The following EPS15 variants were observed in gnomAD, a reference collection of about 807,000 sequenced individuals.
EPS15 encodes the protein epidermal growth factor receptor pathway substrate 15.
Under a neutral mutation model 113.8 loss-of-function variants are expected in EPS15, and 72 were observed. The ratio of observed to expected loss-of-function variants is 0.63; its 90% CI spans 0.52 to 0.77. The LOEUF is 0.77. EPS15 is among the 30% of genes least tolerant of loss of function. The pLI, the probability that EPS15 is intolerant of heterozygous loss-of-function variation, is 0.00. For missense variants in EPS15, 1,048 were observed against 1,045.8 expected (o/e 1.00, Z -0.03); for synonymous variants, 344 against 363.4 (o/e 0.95, Z 0.61).
In EPS15 at chr1:51,406,001, G is replaced by C; in HGVS notation, c.1581C>G (p.Cys527Trp). 1 of 1,614,120 alleles carries C rather than the reference G, an allele frequency of 6.2e-7. No homozygotes were observed. Among genetic ancestry groups the C allele is most frequent in the East Asian group, 2.2e-5 (1 of 44,880 alleles). ...SILVNGATDY[C>W]SLSTSSSETA... ...TTTCACTGCTGCTGGTGCTGAGGCT[G>C]CAATAATCTGTAGCTCCGTTTACAA... The change falls in exon 16 of 25, where the codon TGC becomes TGG. Residue 527 changes from cysteine to tryptophan, a missense_variant. Transcript: ENST00000371733.
chr1:51,377,725 AAGG>A (rs949789391), intron 21 of EPS15, among the ~76,000 whole-genome samples: 1 of 152,166 alleles, frequency 6.6e-6, no homozygotes, highest in African/African-American at 2.4e-5. Flanking sequence ...TCGTACAGGA[AAGG>A]AAGAGTCAAT....
intron 8 of EPS15, among the ~76,000 whole-genome samples, chr1:51,451,682 A>T (rs1653581875): frequency 6.6e-6 from 1 of 151,844 alleles, no homozygotes; most frequent in African/African-American, 2.4e-5. Context: ...TTTTTAATAC[A>T]TAAAGCACTT....
chr1:51,447,116 G>GA lies in EPS15; in HGVS notation c.652-12dup, dbSNP rs770240165. On this transcript the variant is annotated splice_polypyrimidine_tract_variant and intron_variant, in intron 9 of 24. Coordinates refer to ENST00000371733, the MANE Select transcript of EPS15 (RefSeq NM_001981.3). ...AGGGGATACAACCCACTACAGGGAG[G>GA]AAAAAAAACAGTATTTCTGCCAAAA... The GA allele has an allele frequency of 3.2e-4, 504 of 1,575,424 alleles. 2 individuals are homozygous for GA. The highest frequency in any genetic ancestry group is 2.0e-3 in the South Asian group (167 of 84,948).
chr1:51,460,206 C>G (rs1356873199), intron 8 of EPS15, among the ~76,000 whole-genome samples: 1 of 151,834 alleles, frequency 6.6e-6, no homozygotes, highest in South Asian at 2.1e-4. Context: ...TAATTCCTTA[C>G]CAAAATAAAA....
chr1:51,426,060 C>T (rs1289802525), intron 12 of EPS15, among the ~76,000 whole-genome samples: 1 of 151,908 alleles, frequency 6.6e-6, no homozygotes, highest in Non-Finnish European at 1.5e-5. Flanking sequence ...GTTTTGAAAC[C>T]ATCAGATTTG....
At chr1:51,363,762 G>A (rs1174636689) in intron 23 of EPS15, 104 bp downstream of exon 23, 1 of 1,032,580 alleles carries the variant, frequency 9.7e-7, no homozygotes. Context: ...ACATATGTTT[G>A]ACTTGTTTCA....
intron 21 of EPS15, among the ~76,000 whole-genome samples, chr1:51,378,086 G>A (rs747534177): frequency 3.3e-5 from 5 of 151,868 alleles, no homozygotes; most frequent in African/African-American, 4.8e-5. Flanking sequence ...TAGTAGAGAC[G>A]TGGTTTCACC....
chr1:51,449,352 A>C (rs1653339150), intron 8 of EPS15, among the ~76,000 whole-genome samples: 1 of 152,168 alleles, frequency 6.6e-6, no homozygotes. Flanking sequence ...AAAAACAAAT[A>C]CCATATGTTC....
chr1:51,477,680 C>G (rs983358323), intron 2 of EPS15, among the ~76,000 whole-genome samples: 5 of 152,150 alleles, frequency 3.3e-5, no homozygotes, highest in African/African-American at 1.2e-4. Flanking sequence ...TTTCAAAGAA[C>G]ATCTTTATTT....
chr1:51,413,371 T>C (rs1465341038), intron 13 of EPS15, among the ~76,000 whole-genome samples: 1 of 152,250 alleles, frequency 6.6e-6, no homozygotes, highest in Non-Finnish European at 1.5e-5. Context: ...ACAGTGTCCA[T>C]GCTTCATCTT....
intron 8 of EPS15, among the ~76,000 whole-genome samples, chr1:51,451,404 T>C (rs961698827): frequency 1.9e-4 from 28 of 149,458 alleles, no homozygotes; most frequent in Admixed American, 1.1e-3. Context: ...GGCAGGAGAA[T>C]TGATTGACCT....
chr1:51,438,783 T>C (rs952916412), intron 12 of EPS15, among the ~76,000 whole-genome samples: 3 of 152,160 alleles, frequency 2.0e-5, no homozygotes, highest in African/African-American at 7.2e-5. Flanking sequence ...AGTGGCAGAA[T>C]TGTATAACAG....
chr1:51,508,300 G>GAAAGAGAGAA (rs1557536855), intron 1 of EPS15, among the ~76,000 whole-genome samples: 1 of 127,722 alleles, frequency 7.8e-6, no homozygotes, highest in Non-Finnish European at 1.6e-5. Context: ...AAGAGAGAGA[G>GAAAGAGAGAA]AGAAAGAGAG....
Position 51,415,879 on chromosome 1 carries a change from G to A in EPS15, c.1113+5907C>T, listed in dbSNP as rs190416981. 8.2e-5 allele frequency among the ~76,000 whole-genome samples: 10 copies of A among 121,702 alleles called. No individual in the cohort carries two copies. The East Asian group carries it at 2.1e-3, about 26-fold the overall frequency. 79.8% of individuals were successfully genotyped at this position (121,702 alleles called of 152,430 possible). A position where few individuals can be genotyped will look rare whatever the true frequency, so the allele number is the denominator to read the frequency against. ...AAAAGGCCTTCCTTTCCAGTATACA[G>A]AATTAAAATTATTAAACTGCACAAA... On this transcript the variant is annotated intron_variant, in intron 13 of 24. Coordinates refer to ENST00000371733, the MANE Select transcript of EPS15 (RefSeq NM_001981.3).
chr1:51,381,589 T>C (rs987853916), intron 21 of EPS15, among the ~76,000 whole-genome samples: 1 of 152,062 alleles, frequency 6.6e-6, no homozygotes, highest in Non-Finnish European at 1.5e-5. Context: ...CGAGGCTCTA[T>C]CTCAAAATAA....
chr1:51,423,087 TC>T, intron 12 of EPS15: 1 of 577,268 alleles, frequency 1.7e-6, no homozygotes, highest in South Asian at 2.7e-5. Context: ...TAGACAAAAA[TC>T]AACTGTTTTG....
intron 1 of EPS15, among the ~76,000 whole-genome samples, chr1:51,492,015 A>AT (rs1184870445): frequency 2.6e-5 from 4 of 151,684 alleles, no homozygotes; most frequent in African/African-American, 9.7e-5. Context: ...CACCCAGCTA[A>AT]TTTTTGTATT....
At chr1:51,393,303 G>A (rs967935140) in intron 21 of EPS15, among the ~76,000 whole-genome samples, 4 of 152,096 alleles carry the variant, frequency 2.6e-5, no homozygotes, top group African/African-American at 7.2e-5. Context: ...TGCAACCTCC[G>A]CCTTCTGGCA....
intron 16 of EPS15, 31 bp from the exon 17 acceptor site, chr1:51,403,563 A>G (rs1282230997): frequency 7.9e-7 from 1 of 1,270,974 alleles, no homozygotes; most frequent in African/African-American, 1.5e-5. Flanking sequence ...TAGATTAACA[A>G]TATACTTTTT....
Sources: gnomAD v4.1 joint callset for allele counts (sites outside exome capture counted in the v4.1 genomes callset) on GRCh38, gnomAD v4.1.1 for gene constraint, MANE v1.5 for transcripts, NCBI Gene and HGNC (gene_info 2026-07-23, HGNC 2026-07-21) for gene names.